Variants in FGF4 observed in about 807,000 individuals in gnomAD.
FGF4 encodes fibroblast growth factor 4, also known as heparin secretory transforming protein 1.
In FGF4, 9 loss-of-function variants were observed where a neutral mutation model predicts 15.7. The ratio of observed to expected loss-of-function variants is 0.57; its 90% CI spans 0.35 to 1.00. FGF4 has a LOEUF of 1.00. Ranked by LOEUF, FGF4 falls within the 50% of genes least tolerant of loss-of-function variation. The probability of loss-of-function intolerance (pLI) is 0.02; values close to 1 mark genes in which losing one functional copy is unlikely to be tolerated. For missense variants in FGF4, 286 were observed against 297.3 expected, an observed-to-expected ratio of 0.96 and a Z score of 0.28; for synonymous variants, 164 against 144.8, an observed-to-expected ratio of 1.13 and a Z score of -0.95.
Position 69,775,086 on chromosome 11 carries a change from C to G in FGF4, c.-2G>C. 7.5e-7 allele frequency: 1 copy of G among 1,326,464 alleles called. No homozygotes were observed. The highest frequency in any genetic ancestry group is 2.1e-5 in the South Asian group (1 of 48,060). The allele number at this position is 1,326,464 out of a possible 1,614,324, so 82.2% of individuals were successfully genotyped here. A position where few individuals can be genotyped will look rare whatever the true frequency, so the allele number is the denominator to read the frequency against. On this transcript the variant is annotated 5_prime_UTR_variant, in exon 1 of 3. Transcript: ENST00000168712. ...CGCGGCCGTCCCGGGCCCCGACATC[C>G]CGGCCCGAGGGCCGTGCGTCGGTCA...
chr11:69,771,318 G>C lies in FGF4; in HGVS notation c.*1991C>G, dbSNP rs200710512. The C allele has an allele frequency of 1.3e-5, 2 of 152,226 alleles. No homozygotes were observed. The highest frequency in any genetic ancestry group is 3.8e-4 in the East Asian group (2 of 5,202). 9.4% of individuals were successfully genotyped at this position (152,226 alleles called of 1,614,324 possible). ...GTTGAAGAAATATCTATAAGAAGTG[G>C]TCAAGGGTGATCAAACCTAACACAT... On this transcript the variant is annotated 3_prime_UTR_variant, in exon 3 of 3. Coordinates refer to ENST00000168712, the MANE Select transcript of FGF4 (RefSeq NM_002007.4).
chr11:69,774,055 G>T lies in FGF4; in HGVS notation c.413C>A (p.Ala138Asp). 1 of 1,613,192 alleles carries T rather than the reference G, an allele frequency of 6.2e-7. No homozygotes were observed. The highest frequency in any genetic ancestry group is 8.5e-7 in the Non-Finnish European group (1 of 1,179,950). ...IFGVASRFFV[A>D]MSSKGKLYGS... ...ATAGAGCTTGCCCTTGCTGCTCATG[G>T]CCACGAAGAACCGGCTGGCCACGCC... The change falls in exon 2 of 3, where the codon GCC becomes GAC. Residue 138 changes from alanine to aspartate, a missense_variant. By Grantham distance (126) the Ala-to-Asp change is moderately radical. Coordinates refer to ENST00000168712, the MANE Select transcript of FGF4 (RefSeq NM_002007.4).
rs1442518187 is a variant in FGF4, at chr11:69,771,916, G to A, written c.*1393C>T. On this transcript the variant is annotated 3_prime_UTR_variant, in exon 3 of 3. Coordinates refer to ENST00000168712, the MANE Select transcript of FGF4 (RefSeq NM_002007.4). The stretch of plus-strand genomic sequence containing the variant: ...AAAATTAAATGTTTGCCATCACCTC[G>A]GAACTTTTTTTAAACATCACCGACC... The A allele has an allele frequency of 2.0e-5, 3 of 152,068 alleles. No individual in the cohort carries two copies. The highest frequency in any genetic ancestry group is 2.9e-5 in the Non-Finnish European group (2 of 68,020). 9.4% of individuals were successfully genotyped at this position (152,068 alleles called of 1,614,324 possible).
At chr11:69,774,169 G>A (rs200178483) in intron 1 of FGF4, 42 bp from the exon 2 acceptor site, 535 of 1,495,748 alleles carry the variant, frequency 3.6e-4, no homozygotes, top group Non-Finnish European at 3.4e-4. Context: ...GGTGATCCCT[G>A]GCCCACTCCG....
rs1221689600 is a variant in FGF4 at position 69,774,048 on chromosome 11, G to A, written c.420C>T (p.Ser140=). Residue 140 remains serine (S), a synonymous_variant, in exon 2 of 3, where the codon AGC becomes AGT. Transcript: ENST00000168712. ...CCGAGCCATAGAGCTTGCCCTTGCT[G>A]CTCATGGCCACGAAGAACCGGCTGG... is the stretch of plus-strand genomic sequence containing the variant. ...GVASRFFVAM[S]SKGKLYGSPF... The A allele has an allele frequency of 2.1e-5, 34 of 1,613,128 alleles. No homozygotes were observed. Among genetic ancestry groups the A allele is most frequent in the Non-Finnish European group, 2.8e-5 (33 of 1,179,886 alleles).
rs779058257 is a variant in FGF4 at position 69,773,469 on chromosome 11, T to C, written c.461A>G (p.Glu154Gly). 4.3e-6 allele frequency: 7 copies of C among 1,613,950 alleles called. No individual in the cohort carries two copies. The African/African-American group carries it at 6.7e-5, about 15-fold the overall frequency. ...KLYGSPFFTD[E>G]CTFKEILLPN... ...AAGGAGAATCTCCTTGAACGTGCAC[T>C]CATCGGTGAAGAAGGGCTGCAGCAA... Residue 154 changes from glutamate to glycine, a missense_variant, in exon 3 of 3, where the codon GAG (glutamate) becomes GGG (glycine). Physicochemically the swap from Glu to Gly is moderately conservative, Grantham distance 98 (BLOSUM62 -2). Transcript: ENST00000168712.
In FGF4 at chr11:69,773,345, G is replaced by A; in HGVS notation, c.585C>T (p.Pro195=). ...GKTKKGNRVS[P]TMKVTHFLPR... is the part of the protein sequence containing the mutation. ...GGAGGAAGTGGGTGACCTTCATGGT[G>A]GGCGACACTCGGTTCCCCTTCTTGG... Residue 195 remains proline (P), a synonymous_variant, in exon 3 of 3, where the codon CCC becomes CCT. Coordinates refer to ENST00000168712, the MANE Select transcript of FGF4 (RefSeq NM_002007.4). 6.2e-7 allele frequency: 1 copy of A among 1,614,184 alleles called. No individual in the cohort carries two copies. The highest frequency in any genetic ancestry group is 8.5e-7 in the Non-Finnish European group (1 of 1,180,026).
chr11:69,773,845 C>A (rs369040887), intron 2 of FGF4, among the ~76,000 whole-genome samples, 179 bp downstream of exon 2: 1 of 152,160 alleles, frequency 6.6e-6, no homozygotes, highest in South Asian at 2.1e-4. Flanking sequence ...TGGCAGGAAC[C>A]TCATTGTTCC....
chr11:69,774,643 C>A (rs1391955059), intron 1 of FGF4, 102 bp downstream of exon 1: 10 of 958,362 alleles, frequency 1.0e-5, no homozygotes, highest in East Asian at 6.7e-5. Context: ...CCGGGGCCCC[C>A]GAGCAGGTGC....
At chr11:69,774,606 G>A in intron 1 of FGF4, 139 bp downstream of exon 1, 1 of 595,638 alleles carries the variant, frequency 1.7e-6, no homozygotes, top group Non-Finnish European at 2.6e-6. Context: ...CGTCAGAAGG[G>A]ACCGGAGCCC....
Position 69,772,438 on chromosome 11 carries a change from GT to G in FGF4, c.*870del, listed in dbSNP as rs1698217015. ...TGGGGGTGGGGCGGGGGGTTCGATG[GT>G]TTGTTTTCAAAAACATATTCTATCA... On this transcript the variant is annotated 3_prime_UTR_variant, in exon 3 of 3. Transcript: ENST00000168712. The G allele has an allele frequency of 6.6e-6, 1 of 152,218 alleles. No homozygotes were observed. Among genetic ancestry groups the G allele is most frequent in the Non-Finnish European group, 1.5e-5 (1 of 68,032 alleles). The allele number at this position is 152,218 out of a possible 1,614,324, so 9.4% of individuals were successfully genotyped here.
rs1258373668 is a variant in FGF4, at chr11:69,775,208, G to T, written c.-124C>A. On this transcript the variant is annotated 5_prime_UTR_variant, in exon 1 of 3. Transcript: ENST00000168712. The stretch of plus-strand genomic sequence containing the variant: ...CCTCGGGCAGGAGTGCGCAACCGAG[G>T]AGGTGCGGGAGGCAAGCGACGGGGC... The T allele has an allele frequency of 1.7e-6, 1 of 606,008 alleles. No homozygotes were observed. The highest frequency in any genetic ancestry group is 2.4e-6 in the Non-Finnish European group (1 of 417,536). 37.5% of individuals were successfully genotyped at this position (606,008 alleles called of 1,614,324 possible).
rs1246544890 is a variant in FGF4, at chr11:69,771,415, C to T, written c.*1894G>A. The T allele has an allele frequency of 2.0e-5, 3 of 152,164 alleles. No homozygotes were observed. The highest frequency in any genetic ancestry group is 4.8e-5 in the African/African-American group (2 of 41,424). The allele number at this position is 152,164 out of a possible 1,614,324, so 9.4% of individuals were successfully genotyped here. ...AATAATTTAAGGCATTTAAGACAATCATGGTTTGTTACTAAGTGAATACAT... is the reference window on the plus strand; with the variant it reads ...AATAATTTAAGGCATTTAAGACAATTATGGTTTGTTACTAAGTGAATACAT... On this transcript the variant is annotated 3_prime_UTR_variant, in exon 3 of 3. Coordinates refer to ENST00000168712, the MANE Select transcript of FGF4 (RefSeq NM_002007.4).
In FGF4 at chr11:69,771,206, T is replaced by C. The variant is rs964655153; in HGVS notation, c.*2103A>G. On this transcript the variant is annotated 3_prime_UTR_variant, in exon 3 of 3. Coordinates refer to ENST00000168712, the MANE Select transcript of FGF4 (RefSeq NM_002007.4). ...TACAGATTCTGAAAACAGTGGCACA[T>C]ACAGGAACCTCGAATCCCCATCACA... 4 of 152,196 alleles carry C rather than the reference T, an allele frequency of 2.6e-5. No homozygotes were observed. The highest frequency in any genetic ancestry group is 1.3e-4 in the Admixed American group (2 of 15,282). 9.4% of individuals were successfully genotyped at this position (152,196 alleles called of 1,614,324 possible). A position where few individuals can be genotyped will look rare whatever the true frequency, so the allele number is the denominator to read the frequency against.
chr11:69,774,964 C>A lies in FGF4; in HGVS notation c.121G>T (p.Ala41Ser). ...APTAPNGTLE[A>S]ELERRWESLV... ...CTCTCCCAGCGGCGCTCCAGCTCGG[C>A]CTCCAGCGTGCCGTTGGGTGCAGTG... Residue 41 changes from alanine to serine, a missense_variant, in exon 1 of 3, where the codon GCC (alanine) becomes TCC (serine). Transcript: ENST00000168712. 6.8e-7 allele frequency: 1 copy of A among 1,475,836 alleles called. No individual in the cohort carries two copies. Among genetic ancestry groups the A allele is most frequent in the Non-Finnish European group, 8.9e-7 (1 of 1,121,258 alleles). The allele number at this position is 1,475,836 out of a possible 1,614,324, so 91.4% of individuals were successfully genotyped here. A position where few individuals can be genotyped will look rare whatever the true frequency, so the allele number is the denominator to read the frequency against.
rs1459005629 is a variant in FGF4 at position 69,774,887 on chromosome 11, C to T, written c.198G>A (p.Glu66=). 5 of 1,489,070 alleles carry T rather than the reference C, an allele frequency of 3.4e-6. No homozygotes were observed. Among genetic ancestry groups the T allele is most frequent in the Admixed American group, 2.2e-5 (1 of 44,654 alleles). 92.2% of individuals were successfully genotyped at this position (1,489,070 alleles called of 1,614,324 possible). Residue 66 remains glutamate (E), a synonymous_variant, in exon 1 of 3, where the codon GAG becomes GAA. Coordinates refer to ENST00000168712, the MANE Select transcript of FGF4 (RefSeq NM_002007.4). ...ARLPVAAQPK[E]AAVQSGAGDY... ...CGCCGGCGCCGCTCTGGACGGCCGC[C>T]TCCTTGGGCTGCGCTGCCACCGGCA...
Position 69,775,137 on chromosome 11 carries a change from G to A in FGF4, c.-53C>T. On this transcript the variant is annotated 5_prime_UTR_variant, in exon 1 of 3. Transcript: ENST00000168712. Reference sequence around the variant, plus strand: ...GGCGGTCAGTGCGCCCGGGAAGCTGGGGGGCAGAGCTGCGCCTGTGGCGTC... The same window carrying A: ...GGCGGTCAGTGCGCCCGGGAAGCTGAGGGGCAGAGCTGCGCCTGTGGCGTC... The A allele has an allele frequency of 8.5e-7, 1 of 1,177,384 alleles. No homozygotes were observed. The highest frequency in any genetic ancestry group is 1.1e-6 in the Non-Finnish European group (1 of 925,120). The allele number at this position is 1,177,384 out of a possible 1,614,324, so 72.9% of individuals were successfully genotyped here.
rs926812574 is a variant in FGF4 at position 69,771,575 on chromosome 11, A to C, written c.*1734T>G. On this transcript the variant is annotated 3_prime_UTR_variant, in exon 3 of 3. Transcript: ENST00000168712. ...TTAAAACTTAAAAACAGTTTAGTGC[A>C]TGGTAGGAACAGCAGTTTAAGATGT... is the stretch of plus-strand genomic sequence containing the variant. 6.6e-6 allele frequency: 1 copy of C among 152,194 alleles called. No individual in the cohort carries two copies. The highest frequency in any genetic ancestry group is 1.5e-5 in the Non-Finnish European group (1 of 68,036). 9.4% of individuals were successfully genotyped at this position (152,194 alleles called of 1,614,324 possible). A position where few individuals can be genotyped will look rare whatever the true frequency, so the allele number is the denominator to read the frequency against.
At position 69,774,781 on chromosome 11, in the gene FGF4, C is replaced by A; in HGVS notation, c.304G>T (p.Gly102Cys). Residue 102 changes from glycine to cysteine, a missense_variant, in exon 1 of 3, where the codon GGC (glycine) becomes TGC (cysteine). Coordinates refer to ENST00000168712, the MANE Select transcript of FGF4 (RefSeq NM_002007.4). ...IGFHLQALPD[G>C]RIGGAHADTR... ...TCCGCGTGCGCGCCGCCGATGCGGC[C>A]GTCGGGGAGCGCCTGGAGGTGGAAG... The A allele has an allele frequency of 1.3e-6, 2 of 1,514,970 alleles. No individual in the cohort carries two copies. Among genetic ancestry groups the A allele is most frequent in the East Asian group, 2.8e-5 (1 of 36,036 alleles). The allele number at this position is 1,514,970 out of a possible 1,614,324, so 93.8% of individuals were successfully genotyped here.
Sources: allele counts gnomAD v4.1 joint callset (sites outside exome capture counted in the v4.1 genomes callset), GRCh38; gene constraint gnomAD v4.1.1; transcripts MANE v1.5; gene names NCBI Gene and HGNC (gene_info 2026-07-23, HGNC 2026-07-21).